GPC3: variants seen among roughly 807,000 people sequenced by gnomAD.
The protein encoded by GPC3 is glypican-3.
GPC3 carries 3 observed loss-of-function variants against 34.4 expected under a neutral mutation model. That is an observed-to-expected ratio of 0.09 (90% CI 0.04 to 0.23). The LOEUF is 0.23. GPC3 is among the 10% of genes least tolerant of loss of function. The pLI is 1.00. For synonymous variants in GPC3, 177 were observed against 174.0 expected (o/e 1.02, Z -0.13); for missense variants, 351 against 445.6 (o/e 0.79, Z 1.91).
At position 133,753,514 on chromosome X, in the gene GPC3, C is replaced by T. The variant is rs771608588; in HGVS notation, c.1000G>A (p.Val334Ile). ...FSTIHDSIQY[V>I]QKNAGKLTTT... is the part of the protein sequence containing the mutation. ...GTCAGCTTTCCTGCATTCTTCTGGA[C>T]ATACTGGATAGAATCATGGATTGTT... The change falls in exon 3 of 8, where the codon GTC becomes ATC. Residue 334 changes from valine to isoleucine, a missense_variant. Coordinates refer to ENST00000370818, the MANE Select transcript of GPC3 (RefSeq NM_004484.4). 1 of 1,208,338 alleles carries T rather than the reference C, an allele frequency of 8.3e-7. No individual in the cohort carries two copies. Among genetic ancestry groups the T allele is most frequent in the Non-Finnish European group, 1.1e-6 (1 of 893,755 alleles).
intron 2 of GPC3, among the ~76,000 whole-genome samples, chrX:133,908,652 T>C (rs2076181631): frequency 9.0e-6 from 1 of 111,626 alleles, no homozygotes; most frequent in Non-Finnish European, 1.9e-5. Flanking sequence ...TAAAATGTGG[T>C]GACTATACTT....
chrX:133,566,000 T>C (rs2069578549), intron 7 of GPC3, among the ~76,000 whole-genome samples: 1 of 112,572 alleles, frequency 8.9e-6, no homozygotes, highest in Admixed American at 9.4e-5. Flanking sequence ...ACAGTGTTTA[T>C]GTAAAGTTTT....
intron 6 of GPC3, among the ~76,000 whole-genome samples, chrX:133,659,749 T>C (rs1169717257): frequency 9.0e-6 from 1 of 111,640 alleles, no homozygotes; most frequent in Non-Finnish European, 1.9e-5. Context: ...ACAATATTCC[T>C]CATTTAGAAT....
At chrX:133,885,823 T>C (rs746812437) in intron 2 of GPC3, among the ~76,000 whole-genome samples, 6 of 112,040 alleles carry the variant, frequency 5.4e-5, no homozygotes, top group Non-Finnish European at 9.4e-5. Flanking sequence ...GTAGCTCCTA[T>C]GTCAGTATTT....
chrX:133,670,911 G>A (rs1241963871), intron 5 of GPC3: 3 of 367,044 alleles, frequency 8.2e-6, no homozygotes, highest in Non-Finnish European at 1.4e-5. Flanking sequence ...CTTTATTTAT[G>A]CACATATCTA....
At chrX:133,958,800 C>T (rs1447245272) in intron 1 of GPC3, among the ~76,000 whole-genome samples, 4 of 103,745 alleles carry the variant, frequency 3.9e-5, no homozygotes, top group Non-Finnish European at 7.8e-5. Context: ...GCACGAGAAT[C>T]GCTTGAACCC....
chrX:133,833,169 T>C (rs1415689971), intron 2 of GPC3, among the ~76,000 whole-genome samples: 1 of 111,764 alleles, frequency 8.9e-6, no homozygotes, highest in African/African-American at 3.3e-5. Context: ...AGTTAGGATG[T>C]CTTACGATCA....
chrX:133,611,531 A>G (rs1374683087), intron 6 of GPC3, among the ~76,000 whole-genome samples: 2 of 112,019 alleles, frequency 1.8e-5, no homozygotes, highest in Non-Finnish European at 3.8e-5. Context: ...TCTATTCCCA[A>G]ATAATTCCAG....
Position 133,727,550 on chromosome X carries a change from C to CA in GPC3, c.1032+25931dup, listed in dbSNP as rs370410324. On this transcript the variant is annotated intron_variant, in intron 3 of 7. Transcript: ENST00000370818. ...GGGCAAAAAGAACGAAACACTGTCT[C>CA]AAAAAAAAAAAAGTGATATGTGGCA... 8.6e-3 allele frequency among the ~76,000 whole-genome samples: 858 copies of CA among 99,366 alleles called. 2 individuals are homozygous for CA. Among genetic ancestry groups the CA allele is most frequent in the Middle Eastern group, 0.021 (4 of 189 alleles). 86.3% of individuals were successfully genotyped at this position (99,366 alleles called of 115,157 possible).
chrX:133,788,088 T>TTATATATATATATA lies in GPC3; in HGVS notation c.338-33926_338-33913dup, dbSNP rs56318773. On this transcript the variant is annotated intron_variant, in intron 2 of 7. Transcript: ENST00000370818. ...TATAATATAAAGATATCATATTATT[T>TTATATATATATATA]TATATATATATATATATATATATAT... Among the ~76,000 whole-genome samples, 427 of 64,811 alleles carry TTATATATATATATA rather than the reference T, an allele frequency of 6.6e-3. 5 individuals carry two copies. Among genetic ancestry groups the TTATATATATATATA allele is most frequent in the South Asian group, 0.014 (13 of 934 alleles). 56.3% of individuals were successfully genotyped at this position (64,811 alleles called of 115,157 possible).
intron 5 of GPC3, among the ~76,000 whole-genome samples, chrX:133,673,426 C>G (rs1275171708): frequency 8.9e-6 from 1 of 112,375 alleles, no homozygotes; most frequent in Non-Finnish European, 1.9e-5. Flanking sequence ...GTTACCTCCC[C>G]CAAATAGAAT....
chrX:133,688,818 A>G (rs2071033871), intron 5 of GPC3, among the ~76,000 whole-genome samples: 1 of 111,895 alleles, frequency 8.9e-6, no homozygotes, highest in Non-Finnish European at 1.9e-5. Flanking sequence ...CTCTAGAAAG[A>G]GGTTTTCACT....
intron 2 of GPC3, among the ~76,000 whole-genome samples, chrX:133,895,247 T>C (rs1426088653): frequency 8.9e-6 from 1 of 112,040 alleles, no homozygotes; most frequent in Non-Finnish European, 1.9e-5. Context: ...GCTTACGTTG[T>C]TGGAAAGTTA....
intron 7 of GPC3, among the ~76,000 whole-genome samples, chrX:133,590,310 T>C (rs1445969742): frequency 5.4e-5 from 6 of 111,379 alleles, no homozygotes. Flanking sequence ...AGGTATTTTG[T>C]TATAGCAGTG....
At chrX:133,834,051 T>C (rs2075788784) in intron 2 of GPC3, among the ~76,000 whole-genome samples, 2 of 112,587 alleles carry the variant, frequency 1.8e-5, no homozygotes, top group Non-Finnish European at 3.7e-5. Flanking sequence ...ATTCATGTCA[T>C]TAAATCTTCT....
intron 2 of GPC3, among the ~76,000 whole-genome samples, chrX:133,850,505 T>C (rs1234890421): frequency 9.0e-6 from 1 of 110,976 alleles, no homozygotes; most frequent in Non-Finnish European, 1.9e-5. Context: ...GTGGTAATCC[T>C]TGCTACCAAG....
chrX:133,774,706 G>A (rs1469095989), intron 2 of GPC3, among the ~76,000 whole-genome samples: 2 of 111,622 alleles, frequency 1.8e-5, no homozygotes, highest in Non-Finnish European at 3.8e-5. Context: ...TATATGGTAA[G>A]TACCATTATT....
chrX:133,748,968 A>G (rs2071634269), intron 3 of GPC3, among the ~76,000 whole-genome samples: 1 of 111,870 alleles, frequency 8.9e-6, no homozygotes, highest in African/African-American at 3.3e-5. Flanking sequence ...TTTCTTAAAT[A>G]AAAAATAATT....
intron 1 of GPC3, among the ~76,000 whole-genome samples, chrX:133,960,460 C>T (rs982154353): frequency 2.7e-5 from 3 of 111,680 alleles, no homozygotes; most frequent in Non-Finnish European, 5.6e-5. Flanking sequence ...TTTTACTAGA[C>T]TGCAATTTTA....
Sources: allele counts gnomAD v4.1 joint callset (sites outside exome capture counted in the v4.1 genomes callset), GRCh38; gene constraint gnomAD v4.1.1; transcripts MANE v1.5; gene names NCBI Gene and HGNC (gene_info 2026-07-23, HGNC 2026-07-21).